RPAIN: variants seen among roughly 807,000 people sequenced by gnomAD.
RPAIN encodes RPA interacting protein.
In RPAIN, 29 loss-of-function variants were observed where a neutral mutation model predicts 30.5. That is an observed-to-expected ratio of 0.95 (90% CI 0.71 to 1.30). The LOEUF is 1.30. RPAIN is among the 50% of genes most tolerant of loss of function. The probability of loss-of-function intolerance (pLI) is 0.00; values close to 1 mark genes in which losing one functional copy is unlikely to be tolerated. For missense variants in RPAIN, 247 were observed against 264.7 expected, an observed-to-expected ratio of 0.93 and a Z score of 0.46; for synonymous variants, 101 against 93.5, an observed-to-expected ratio of 1.08 and a Z score of -0.46.
chr17:5,421,170 G>A (rs1321163610), intron 1 of RPAIN, 126 bp from the exon 2 acceptor site: 1 of 844,876 alleles, frequency 1.2e-6, no homozygotes, highest in African/African-American at 1.7e-5. Flanking sequence ...AGTAACACTA[G>A]TTAGTATTAT....
At chr17:5,426,499 C>T (rs951934187) in intron 5 of RPAIN, 200 bp downstream of exon 5, 2 of 575,740 alleles carry the variant, frequency 3.5e-6, no homozygotes, top group South Asian at 2.1e-5. Context: ...CACATCAGAG[C>T]CTTTAGGGCC....
At chr17:5,422,951 A>AG in intron 3 of RPAIN, 122 bp downstream of exon 3, 2 of 752,456 alleles carry the variant, frequency 2.7e-6, no homozygotes, top group Non-Finnish European at 4.5e-6. Context: ...AGTGTCCAAA[A>AG]GACTCCTTTT....
chr17:5,423,713 A>G (rs1174432916), intron 3 of RPAIN, among the ~76,000 whole-genome samples: 1 of 152,038 alleles, frequency 6.6e-6, no homozygotes, highest in African/African-American at 2.4e-5. Context: ...TATATAGTTA[A>G]GTCATTTATT....
chr17:5,428,817 G>A (rs2151669710), intron 6 of RPAIN: 1 of 988,018 alleles, frequency 1.0e-6, no homozygotes, highest in Non-Finnish European at 1.2e-6. Flanking sequence ...AAACCAATAT[G>A]ATACGTATTA....
chr17:5,432,721 T>A lies in RPAIN; in HGVS notation c.*150T>A. On this transcript the variant is annotated 3_prime_UTR_variant, in exon 7 of 7. Coordinates refer to ENST00000381209, the MANE Select transcript of RPAIN (RefSeq NM_001033002.4). ...AAAAAAAAACTTTTCCGACATCTGT[T>A]CTTGGTCTTTTGTGACGCAGGTTGA... The A allele has an allele frequency of 1.1e-6, 1 of 873,238 alleles. No individual in the cohort carries two copies. Among genetic ancestry groups the A allele is most frequent in the Admixed American group, 2.8e-5 (1 of 35,696 alleles). The allele number at this position is 873,238 out of a possible 1,614,324, so 54.1% of individuals were successfully genotyped here.
At chr17:5,424,704 A>C (rs985642870) in intron 3 of RPAIN, among the ~76,000 whole-genome samples, 1 of 152,220 alleles carries the variant, frequency 6.6e-6, no homozygotes, top group African/African-American at 2.4e-5. Flanking sequence ...AAGGATAATA[A>C]TAGTGAAGAA....
chr17:5,431,845 T>A, intron 6 of RPAIN: 1 of 337,020 alleles, frequency 3.0e-6, no homozygotes, highest in South Asian at 2.3e-5. Context: ...ACATATTACC[T>A]GTGGAAGTGG....
intron 2 of RPAIN, among the ~76,000 whole-genome samples, chr17:5,422,442 C>T (rs1914959571): frequency 6.6e-6 from 1 of 152,190 alleles, no homozygotes; most frequent in African/African-American, 2.4e-5. Context: ...TTTATTCCCA[C>T]TTTACAGAGG....
rs1176048963 is a variant in RPAIN at position 5,426,284 on chromosome 17, G to A, written c.474G>A (p.Leu158=). 1.9e-6 allele frequency: 3 copies of A among 1,613,898 alleles called. No individual in the cohort carries two copies. The East Asian group carries it at 6.7e-5, about 36-fold the overall frequency. The change falls in exon 5 of 7, where the codon CTG becomes CTA. Residue 158 remains leucine (L), a synonymous_variant. Coordinates refer to ENST00000381209, the MANE Select transcript of RPAIN (RefSeq NM_001033002.4). ...TSGVVVCQCG[L]SIPSHSSELT... is the part of the protein sequence containing the mutation. ...GTGTGGTGGTGTGTCAGTGTGGCCT[G>A]TCCATCCCATCTCATGTGAGTGTTC...
chr17:5,424,670 C>G (rs551458886), intron 3 of RPAIN, among the ~76,000 whole-genome samples: 11 of 152,244 alleles, frequency 7.2e-5, no homozygotes, highest in African/African-American at 2.2e-4. Flanking sequence ...TTTCCCCGTG[C>G]CTCAGTTTCT....
At chr17:5,431,322 A>C in intron 6 of RPAIN, 1 of 387,222 alleles carries the variant, frequency 2.6e-6, no homozygotes, top group Non-Finnish European at 5.0e-6. Context: ...CCCTGTCTCT[A>C]CTAAAAATAC....
chr17:5,426,739 CAA>C (rs80354551), intron 5 of RPAIN: 41,002 of 151,554 alleles, frequency 0.27, 6,760 homozygotes, highest in East Asian at 0.81. Flanking sequence ...CTTGCGGGTT[CAA>C]GTCATTCTCC....
chr17:5,422,293 A>C (rs908734820), intron 2 of RPAIN, among the ~76,000 whole-genome samples: 1 of 152,208 alleles, frequency 6.6e-6, no homozygotes, highest in Non-Finnish European at 1.5e-5. Flanking sequence ...GTGTAAGAAA[A>C]TGTGGGCAAC....
chr17:5,426,210 C>T (rs1349530077), intron 4 of RPAIN, 26 bp from the exon 5 acceptor site: 2 of 1,612,312 alleles, frequency 1.2e-6, no homozygotes, highest in African/African-American at 2.7e-5. Context: ...GGCCATGATG[C>T]TCTGGGATCC....
Position 5,432,614 on chromosome 17 carries a change from T to G in RPAIN, c.*43T>G, listed in dbSNP as rs890696763. 2 of 1,577,178 alleles carry G rather than the reference T, an allele frequency of 1.3e-6. No homozygotes were observed. The highest frequency in any genetic ancestry group is 1.7e-6 in the Non-Finnish European group (2 of 1,146,530). ...ATCATTCTATGGGGTTGAAGACAAC[T>G]CATTCCCTCTGAGGAGCCTTGTACA... is the stretch of plus-strand genomic sequence containing the variant. On this transcript the variant is annotated 3_prime_UTR_variant, in exon 7 of 7. Transcript: ENST00000381209.
In RPAIN at chr17:5,422,819, G is replaced by A; in HGVS notation, c.303G>A (p.Leu101=). 1.9e-6 allele frequency: 3 copies of A among 1,611,478 alleles called. No individual in the cohort carries two copies. Among genetic ancestry groups the A allele is most frequent in the Non-Finnish European group, 2.5e-6 (3 of 1,177,994 alleles). Residue 101 remains leucine, a synonymous_variant, in exon 3 of 7, where the codon CTG becomes CTA. Transcript: ENST00000381209. ...TGCTGGAGGAAATTCAACAGGAGCTGATCAACCAAGGTAACCCCTAGTGGT... is the reference window on the plus strand; with the variant it reads ...TGCTGGAGGAAATTCAACAGGAGCTAATCAACCAAGGTAACCCCTAGTGGT... ...MAVLEEIQQE[L]INQEQSIISE... is the part of the protein sequence containing the mutation.
chr17:5,424,373 C>T (rs1915182325), intron 3 of RPAIN, among the ~76,000 whole-genome samples: 1 of 152,184 alleles, frequency 6.6e-6, no homozygotes, highest in South Asian at 2.1e-4. Context: ...TCAAACCATC[C>T]TCCTACTTCA....
chr17:5,432,203 C>A (rs1035297987), intron 6 of RPAIN: 3 of 261,634 alleles, frequency 1.1e-5, no homozygotes, highest in South Asian at 7.0e-5. Context: ...CTGCTGGGCT[C>A]TAAAAGCTCC....
Position 5,422,791 on chromosome 17 carries a change from C to T in RPAIN, c.275C>T (p.Ala92Val). 1 of 1,613,320 alleles carries T rather than the reference C, an allele frequency of 6.2e-7. No homozygotes were observed. Among genetic ancestry groups the T allele is most frequent in the Non-Finnish European group, 8.5e-7 (1 of 1,179,532 alleles). ...LAQLEELIDM[A>V]VLEEIQQELI... ...CAGCTGGAGGAGCTGATAGACATGG[C>T]TGTGCTGGAGGAAATTCAACAGGAG... Residue 92 changes from alanine (A) to valine (V), a missense_variant, in exon 3 of 7, where the codon GCT (alanine) becomes GTT (valine). Coordinates refer to ENST00000381209, the MANE Select transcript of RPAIN (RefSeq NM_001033002.4).
Sources: gnomAD v4.1 joint callset for allele counts (sites outside exome capture counted in the v4.1 genomes callset) on GRCh38, gnomAD v4.1.1 for gene constraint, MANE v1.5 for transcripts, NCBI Gene and HGNC (gene_info 2026-07-23, HGNC 2026-07-21) for gene names.